The following CA13 variants were observed in gnomAD, a reference collection of about 807,000 sequenced individuals.
CA13 encodes the protein carbonic anhydrase 13.
CA13 carries 21 observed loss-of-function variants against 31.5 expected under a neutral mutation model. The ratio of observed to expected loss-of-function variants is 0.67; its 90% CI spans 0.47 to 0.96. CA13 has a LOEUF of 0.96. CA13 is among the 40% of genes least tolerant of loss of function. The pLI, the probability that CA13 is intolerant of heterozygous loss-of-function variation, is 0.00. For synonymous variants in CA13, 117 were observed against 111.4 expected (o/e 1.05, Z -0.32); for missense variants, 315 against 318.9 (o/e 0.99, Z 0.09).
At chr8:85,253,457 G>T in intron 2 of CA13, among the ~76,000 whole-genome samples, 1 of 151,428 alleles carries the variant, frequency 6.6e-6, no homozygotes, top group South Asian at 2.1e-4. Flanking sequence ...TAGAGAAAAG[G>T]TTTTGCCATA....
chr8:85,276,430 G>T (rs561574360), intron 6 of CA13, among the ~76,000 whole-genome samples: 1 of 152,274 alleles, frequency 6.6e-6, no homozygotes, highest in Non-Finnish European at 1.5e-5. Flanking sequence ...CGCTGGGACT[G>T]GCAGGCAGCT....
rs1320047054 is a variant in CA13, at chr8:85,283,198, A to T, written c.*1849A>T. On this transcript the variant is annotated 3_prime_UTR_variant, in exon 7 of 7. Transcript: ENST00000321764. ...CTCGGCCTCTCAAATTGCTGGAATT[A>T]CAGTTGTGAGCCACCACACCTGGCT... 1 of 152,224 alleles carries T rather than the reference A, an allele frequency of 6.6e-6. No individual in the cohort carries two copies. Among genetic ancestry groups the T allele is most frequent in the Non-Finnish European group, 1.5e-5 (1 of 68,040 alleles). 9.4% of individuals were successfully genotyped at this position (152,224 alleles called of 1,614,324 possible). A position where few individuals can be genotyped will look rare whatever the true frequency, so the allele number is the denominator to read the frequency against.
At chr8:85,279,140 A>G (rs948717250) in intron 6 of CA13, among the ~76,000 whole-genome samples, 2 of 152,216 alleles carry the variant, frequency 1.3e-5, no homozygotes, top group Non-Finnish European at 2.9e-5. Flanking sequence ...TTAAAATTTC[A>G]GTATTAGAGT....
chr8:85,250,143 A>G (rs1024355155), intron 1 of CA13, among the ~76,000 whole-genome samples: 4 of 152,222 alleles, frequency 2.6e-5, no homozygotes, highest in South Asian at 4.1e-4. Context: ...GACGTGGTGC[A>G]GCCATTTTAT....
rs1480288350 is a variant in CA13, at chr8:85,282,836, T to G, written c.*1487T>G. 6.6e-6 allele frequency: 1 copy of G among 152,196 alleles called. No homozygotes were observed. Among genetic ancestry groups the G allele is most frequent in the Non-Finnish European group, 1.5e-5 (1 of 68,024 alleles). The allele number at this position is 152,196 out of a possible 1,614,324, so 9.4% of individuals were successfully genotyped here. A position where few individuals can be genotyped will look rare whatever the true frequency, so the allele number is the denominator to read the frequency against. Reference sequence around the variant, plus strand: ...TAAGACTTGAACACATGCTACCCTTTTGTCATCTTCTGACATAAGTTTACC... The same window carrying G: ...TAAGACTTGAACACATGCTACCCTTGTGTCATCTTCTGACATAAGTTTACC... On this transcript the variant is annotated 3_prime_UTR_variant, in exon 7 of 7. Transcript: ENST00000321764.
chr8:85,252,713 A>C (rs956787279), intron 2 of CA13, among the ~76,000 whole-genome samples: 13 of 152,282 alleles, frequency 8.5e-5, no homozygotes, highest in Admixed American at 7.2e-4. Context: ...GATTGTTTTT[A>C]TTTTTAATCT....
chr8:85,248,018 T>C (rs1449030329), intron 1 of CA13, among the ~76,000 whole-genome samples: 2 of 152,230 alleles, frequency 1.3e-5, no homozygotes, highest in Admixed American at 1.3e-4. Context: ...GGGTACTGCC[T>C]TCACAAATAA....
At chr8:85,247,987 T>G in intron 1 of CA13, among the ~76,000 whole-genome samples, 1 of 151,840 alleles carries the variant, frequency 6.6e-6, no homozygotes, top group East Asian at 1.9e-4. Context: ...AAATAAAACA[T>G]CAAGACTTGA....
chr8:85,255,583 G>C (rs758945520), intron 2 of CA13, among the ~76,000 whole-genome samples: 5 of 152,026 alleles, frequency 3.3e-5, no homozygotes, highest in African/African-American at 1.2e-4. Context: ...TCGCCATGTT[G>C]GTCAAGCTGA....
At position 85,259,423 on chromosome 8, in the gene CA13, C is replaced by A. The variant is rs770355479; in HGVS notation, c.238C>A (p.Leu80Met). ...DFDDTENKSV[L>M]RGGPLTGSYR... ...ATATAAAACATGTTGTTGTTTAGTT[C>A]TGCGTGGTGGTCCTCTCACTGGAAG... The change falls in exon 3 of 7, where the codon CTG becomes ATG. Residue 80 changes from leucine (L) to methionine (M), a missense_variant and splice_region_variant. Transcript: ENST00000321764. 2 of 1,612,670 alleles carry A rather than the reference C, an allele frequency of 1.2e-6. No individual in the cohort carries two copies. The highest frequency in any genetic ancestry group is 1.7e-6 in the Non-Finnish European group (2 of 1,179,022).
At chr8:85,259,918 T>C (rs1807353763) in intron 3 of CA13, among the ~76,000 whole-genome samples, 2 of 152,190 alleles carry the variant, frequency 1.3e-5, no homozygotes, top group African/African-American at 4.8e-5. Flanking sequence ...AAAGAAACAT[T>C]TGTCTTAGTC....
At chr8:85,276,221 T>G (rs2130005465) in intron 6 of CA13, among the ~76,000 whole-genome samples, 1 of 152,254 alleles carries the variant, frequency 6.6e-6, no homozygotes, top group South Asian at 2.1e-4. Context: ...GCAGCTGCTG[T>G]GCTCAATTTC....
chr8:85,275,836 G>A lies in CA13; in HGVS notation c.670-5394G>A, dbSNP rs537137852. On this transcript the variant is annotated intron_variant, in intron 6 of 6. Coordinates refer to ENST00000321764, the MANE Select transcript of CA13 (RefSeq NM_198584.3). The stretch of plus-strand genomic sequence containing the variant: ...GGATTTTTCTATATAAGTATGGTAA[G>A]TAAAGGATTGTTGTATTTTTCCTCC... 2.2e-4 allele frequency among the ~76,000 whole-genome samples: 33 copies of A among 152,358 alleles called. No homozygotes were observed. In the South Asian group the frequency reaches 5.2e-3, roughly 24 times the overall value.
intron 6 of CA13, among the ~76,000 whole-genome samples, chr8:85,270,034 T>A (rs1013591469): frequency 6.6e-6 from 1 of 152,230 alleles, no homozygotes; most frequent in East Asian, 1.9e-4. Context: ...GTATATCCAG[T>A]CTTTAATGTT....
intron 6 of CA13, among the ~76,000 whole-genome samples, chr8:85,269,124 G>T (rs1477817961): frequency 6.6e-6 from 1 of 152,210 alleles, no homozygotes; most frequent in African/African-American, 2.4e-5. Flanking sequence ...CCTGCTAAGT[G>T]TAAGAAGTTG....
At chr8:85,246,778 C>G (rs1813739974) in intron 1 of CA13, among the ~76,000 whole-genome samples, 1 of 152,034 alleles carries the variant, frequency 6.6e-6, no homozygotes, top group Admixed American at 6.6e-5. Flanking sequence ...TTAGCCATTC[C>G]TCAATGTGCA....
At chr8:85,249,401 G>A (rs929015312) in intron 1 of CA13, among the ~76,000 whole-genome samples, 1 of 151,776 alleles carries the variant, frequency 6.6e-6, no homozygotes, top group African/African-American at 2.4e-5. Context: ...AGGCTGAGGT[G>A]GAAGGATTGT....
chr8:85,275,410 A>G (rs545149127), intron 6 of CA13, among the ~76,000 whole-genome samples: 5 of 152,260 alleles, frequency 3.3e-5, no homozygotes, highest in South Asian at 4.1e-4. Context: ...GGGAATGTCT[A>G]TCCCCTACCA....
intron 6 of CA13, among the ~76,000 whole-genome samples, chr8:85,271,455 T>C (rs530635049): frequency 2.9e-4 from 44 of 152,182 alleles, no homozygotes; most frequent in Non-Finnish European, 4.6e-4. Flanking sequence ...GAGTCACTCA[T>C]TGAGGACTAA....
Sources: allele counts gnomAD v4.1 joint callset (sites outside exome capture counted in the v4.1 genomes callset), GRCh38; gene constraint gnomAD v4.1.1; transcripts MANE v1.5; gene names NCBI Gene and HGNC (gene_info 2026-07-23, HGNC 2026-07-21).